The following DENND1A variants were observed in gnomAD, a reference collection of about 807,000 sequenced individuals.
DENND1A encodes the protein DENN domain-containing protein 1A.
DENND1A carries 51 observed loss-of-function variants against 113.7 expected under a neutral mutation model. That is an observed-to-expected ratio of 0.45 (90% CI 0.36 to 0.57). The LOEUF is 0.57. DENND1A is among the 20% of genes least tolerant of loss of function. The probability of loss-of-function intolerance (pLI) is 0.00; values close to 1 mark genes in which losing one functional copy is unlikely to be tolerated. For synonymous variants in DENND1A, 565 were observed against 570.8 expected (o/e 0.99, Z 0.14); for missense variants, 1,258 against 1,395.9 (o/e 0.90, Z 1.57).
At chr9:123,835,402 C>T (rs4838078) in intron 2 of DENND1A, among the ~76,000 whole-genome samples, 8 of 152,034 alleles carry the variant, frequency 5.3e-5, no homozygotes, top group South Asian at 2.1e-4. Context: ...TGATAAAAGG[C>T]GGCTTTCAAC....
At chr9:123,789,845 G>T (rs1259456849) in intron 3 of DENND1A, among the ~76,000 whole-genome samples, 1 of 152,054 alleles carries the variant, frequency 6.6e-6, no homozygotes, top group Non-Finnish European at 1.5e-5. Context: ...TTACTGTAAG[G>T]TACAAAGAAC....
chr9:123,858,058 C>CAAAAAAAAAAAAA (rs1230079039), intron 2 of DENND1A, among the ~76,000 whole-genome samples: 2 of 51,100 alleles, frequency 3.9e-5, no homozygotes, highest in Admixed American at 2.0e-4. Flanking sequence ...GACTCCGTCT[C>CAAAAAAAAAAAAA]AAAAAAAAAA....
chr9:123,785,146 C>A (rs76772696), intron 3 of DENND1A, among the ~76,000 whole-genome samples: 3,131 of 152,018 alleles, frequency 0.021, 45 homozygotes, highest in Middle Eastern at 0.034. Context: ...TGAAGGTCAT[C>A]CTGGGCAACA....
intron 2 of DENND1A, among the ~76,000 whole-genome samples, chr9:123,849,883 G>A (rs1806774572): frequency 6.6e-6 from 1 of 152,182 alleles, no homozygotes; most frequent in South Asian, 2.1e-4. Flanking sequence ...TAATGCAGAT[G>A]TGATAGAAGC....
At chr9:123,413,261 G>T in intron 19 of DENND1A, 2 of 325,152 alleles carry the variant, frequency 6.2e-6, no homozygotes, top group Non-Finnish European at 4.4e-6. Flanking sequence ...AATGTCAGAC[G>T]CCTCAGTAAT....
chr9:123,851,873 CA>C (rs1488165489), intron 2 of DENND1A, among the ~76,000 whole-genome samples: 8 of 152,206 alleles, frequency 5.3e-5, no homozygotes, highest in Non-Finnish European at 2.9e-5. Flanking sequence ...AGAAACCACT[CA>C]GTTGCAAACA....
chr9:123,654,549 GA>G (rs2062834440), intron 8 of DENND1A, among the ~76,000 whole-genome samples: 1 of 152,112 alleles, frequency 6.6e-6, no homozygotes, highest in Non-Finnish European at 1.5e-5. Flanking sequence ...AAACATTTCT[GA>G]AATAAAAACA....
intron 7 of DENND1A, among the ~76,000 whole-genome samples, chr9:123,668,561 G>A (rs988229999): frequency 1.3e-5 from 2 of 152,188 alleles, no homozygotes; most frequent in East Asian, 3.8e-4. Context: ...AGGTCACACA[G>A]CTAGTACGTG....
intron 10 of DENND1A, among the ~76,000 whole-genome samples, chr9:123,612,905 G>A (rs915835358): frequency 6.6e-6 from 1 of 152,160 alleles, no homozygotes; most frequent in Non-Finnish European, 1.5e-5. Flanking sequence ...GCAGCACATG[G>A]TAGGGTTTTC....
At chr9:123,645,957 T>A (rs2062299222) in intron 9 of DENND1A, among the ~76,000 whole-genome samples, 1 of 152,222 alleles carries the variant, frequency 6.6e-6, no homozygotes, top group South Asian at 2.1e-4. Context: ...GTCACCCCGC[T>A]TATCCGGTTG....
intron 12 of DENND1A, among the ~76,000 whole-genome samples, chr9:123,572,883 G>T (rs935301502): frequency 6.6e-5 from 10 of 152,080 alleles, no homozygotes; most frequent in Non-Finnish European, 7.4e-5. Flanking sequence ...AATTCATGAG[G>T]ATTCCCTCTC....
At chr9:123,621,663 A>G (rs2060970790) in intron 10 of DENND1A, among the ~76,000 whole-genome samples, 1 of 152,170 alleles carries the variant, frequency 6.6e-6, no homozygotes, top group Non-Finnish European at 1.5e-5. Flanking sequence ...CAATCTAGTA[A>G]ATGGGGAAGC....
At chr9:123,871,680 C>T (rs1307818070) in intron 2 of DENND1A, among the ~76,000 whole-genome samples, 1 of 152,136 alleles carries the variant, frequency 6.6e-6, no homozygotes, top group Admixed American at 6.5e-5. Flanking sequence ...AACCAAAGCA[C>T]CATGTCTTAG....
chr9:123,855,138 T>G (rs773796598), intron 2 of DENND1A, among the ~76,000 whole-genome samples: 10 of 151,334 alleles, frequency 6.6e-5, no homozygotes, highest in Non-Finnish European at 1.5e-4. Context: ...CATAACAAAT[T>G]CCACTGAATG....
intron 15 of DENND1A, among the ~76,000 whole-genome samples, chr9:123,455,392 G>A (rs1178794131): frequency 1.3e-5 from 2 of 152,302 alleles, no homozygotes; most frequent in South Asian, 2.1e-4. Flanking sequence ...GTCCCACCAC[G>A]GGGAACTACT....
At chr9:123,880,330 G>A (rs764678902) in intron 1 of DENND1A, among the ~76,000 whole-genome samples, 1 of 152,096 alleles carries the variant, frequency 6.6e-6, no homozygotes. Flanking sequence ...AAAGATCACA[G>A]AACAGAATGT....
intron 1 of DENND1A, among the ~76,000 whole-genome samples, chr9:123,906,362 C>T (rs1852838308): frequency 7.8e-6 from 1 of 128,436 alleles, no homozygotes; most frequent in African/African-American, 4.2e-5. Context: ...AAAATCAGAG[C>T]AGAACTGAAG....
At chr9:123,924,322 G>C (rs1320468313) in intron 1 of DENND1A, among the ~76,000 whole-genome samples, 1 of 152,126 alleles carries the variant, frequency 6.6e-6, no homozygotes, top group Non-Finnish European at 1.5e-5. Context: ...AAAAAGTTCT[G>C]GAATTAGTGG....
intron 12 of DENND1A, among the ~76,000 whole-genome samples, chr9:123,571,261 TTTAAAA>T (rs1318841781): frequency 6.6e-6 from 1 of 152,234 alleles, no homozygotes; most frequent in African/African-American, 2.4e-5. Context: ...GAACTCCACC[TTTAAAA>T]TTAATTTCCA....
Sources: gnomAD v4.1 joint callset for allele counts (sites outside exome capture counted in the v4.1 genomes callset) on GRCh38, gnomAD v4.1.1 for gene constraint, MANE v1.5 for transcripts, NCBI Gene and HGNC (gene_info 2026-07-23, HGNC 2026-07-21) for gene names.